Variants in MAP3K10 observed in about 807,000 individuals in gnomAD.
The protein encoded by MAP3K10 is mitogen-activated protein kinase kinase kinase 10.
Under a neutral mutation model 75.0 loss-of-function variants are expected in MAP3K10, and 22 were observed. The observed-to-expected ratio is 0.29, with a 90% CI of 0.21 to 0.42. The LOEUF is 0.42. MAP3K10 is among the 10% of genes least tolerant of loss of function. The pLI is 1.00. For missense variants in MAP3K10, 1,165 were observed against 1,379.8 expected (o/e 0.84, Z 2.47); for synonymous variants, 599 against 612.9 (o/e 0.98, Z 0.34).
chr19:40,204,398 GC>G lies in MAP3K10; in HGVS notation c.864-84del. 1 of 1,488,404 alleles carries G rather than the reference GC, an allele frequency of 6.7e-7. No homozygotes were observed. The highest frequency in any genetic ancestry group is 1.4e-5 in the African/African-American group (1 of 72,632). 92.2% of individuals were successfully genotyped at this position (1,488,404 alleles called of 1,614,324 possible). On this transcript the variant is annotated intron_variant, in intron 2 of 9. Coordinates refer to ENST00000253055, the MANE Select transcript of MAP3K10 (RefSeq NM_002446.4). This position sits in a 1 kb window ranked among gnomAD's most constrained non-coding sequence, Gnocchi z 4.3. ...GGGGGTGGCTGTTGGGGTGAGGGCAGCCCTGCATGGGACCAAGGGCAGGGCT... is the reference window on the plus strand; with the variant it reads ...GGGGGTGGCTGTTGGGGTGAGGGCAGCCTGCATGGGACCAAGGGCAGGGCT...
Position 40,212,842 on chromosome 19 carries a change from C to T in MAP3K10, c.1590C>T (p.Ser530=), listed in dbSNP as rs1299077486. 2.5e-6 allele frequency: 4 copies of T among 1,603,400 alleles called. No individual in the cohort carries two copies. The highest frequency in any genetic ancestry group is 3.4e-6 in the Non-Finnish European group (4 of 1,175,870). Residue 530 remains serine (S), a synonymous_variant, in exon 7 of 10, where the codon AGC becomes AGT. Transcript: ENST00000253055. The surrounding 1 kb of genome is among the most constrained non-coding windows in gnomAD (Gnocchi z 4.2). ...ACTGTGGTGGCAGCAGCAGTGGCAG[C>T]AGCAGTGGAGGAAGTGGGACATGGA... ...PVDCGGSSSG[S]SSGGSGTWSR... is the part of the protein sequence containing the mutation.
intron 6 of MAP3K10, among the ~76,000 whole-genome samples, chr19:40,211,016 A>G (rs765846621): frequency 3.3e-5 from 5 of 152,248 alleles, no homozygotes; most frequent in Non-Finnish European, 7.3e-5. Context: ...AAGTTGACGC[A>G]TAAAATTACC....
intron 2 of MAP3K10, among the ~76,000 whole-genome samples, chr19:40,200,987 A>C (rs1399461528): frequency 6.6e-6 from 1 of 151,690 alleles, no homozygotes; most frequent in East Asian, 1.9e-4. Context: ...CCCGCCATAA[A>C]CTTCAGTAAC....
chr19:40,192,556 G>A lies in MAP3K10; in HGVS notation c.525G>A (p.Glu175=), dbSNP rs1972840750. The change falls in exon 1 of 10, where the codon GAG becomes GAA. Residue 175 remains glutamate, a synonymous_variant. Coordinates refer to ENST00000253055, the MANE Select transcript of MAP3K10 (RefSeq NM_002446.4). The surrounding 1 kb of genome is among the most constrained non-coding windows in gnomAD (Gnocchi z 7.1). ...CCCCACACCTCTGCCTAGTGATGGA[G>A]TATGCCCGGGGTGGTGCACTGAGCA... ...LNPPHLCLVM[E]YARGGALSRV... is the part of the protein sequence containing the mutation. The A allele has an allele frequency of 6.2e-7, 1 of 1,613,570 alleles. No homozygotes were observed. The highest frequency in any genetic ancestry group is 8.5e-7 in the Non-Finnish European group (1 of 1,179,926).
In MAP3K10 at chr19:40,213,157, C is replaced by T. The variant is rs759300640; in HGVS notation, c.1806C>T (p.Ile602=). 2.1e-5 allele frequency: 34 copies of T among 1,594,410 alleles called. No individual in the cohort carries two copies. The highest frequency in any genetic ancestry group is 2.0e-4 in the East Asian group (9 of 44,274). ...NLGKSPKHTP[I]APGFASLNEM... ...GCAAGTCCCCCAAACACACACCCAT[C>T]GCCCCTGGCTTTGCCAGCCTCAATG... Residue 602 remains isoleucine (I), a synonymous_variant, in exon 8 of 10, where the codon ATC becomes ATT. Transcript: ENST00000253055. The surrounding 1 kb of genome is among the most constrained non-coding windows in gnomAD (Gnocchi z 5.7).
chr19:40,212,644 G>A lies in MAP3K10; in HGVS notation c.1553-161G>A, dbSNP rs1973261056. On this transcript the variant is annotated intron_variant, in intron 6 of 9. Coordinates refer to ENST00000253055, the MANE Select transcript of MAP3K10 (RefSeq NM_002446.4). This position sits in a 1 kb window ranked among gnomAD's most constrained non-coding sequence, Gnocchi z 4.2. ...GGAACCTTGTCCTGACAGCAGTAGG[G>A]GGCTATGGGGAGATATATAGCAGGG... 6.6e-6 allele frequency among the ~76,000 whole-genome samples: 1 copy of A among 152,174 alleles called. No homozygotes were observed. The highest frequency in any genetic ancestry group is 6.5e-5 in the Admixed American group (1 of 15,276).
At chr19:40,196,883 A>G (rs1354909327) in intron 1 of MAP3K10, among the ~76,000 whole-genome samples, 1 of 152,158 alleles carries the variant, frequency 6.6e-6, no homozygotes, top group African/African-American at 2.4e-5. Context: ...GTCAATTCCT[A>G]TAGAGAGCTT....
Position 40,215,107 on chromosome 19 carries a change from C to T in MAP3K10, c.2680C>T (p.Pro894Ser), listed in dbSNP as rs554360101. ...APRPRPAASR[P>S]RLDPWKLVSF... ...GAGACCTCGGCCGGCTGCCAGTCGCCCCCGCTTGGACCCCTGGAAACTGGT... is the reference window on the plus strand; with the variant it reads ...GAGACCTCGGCCGGCTGCCAGTCGCTCCCGCTTGGACCCCTGGAAACTGGT... The change falls in exon 10 of 10, where the codon CCC becomes TCC. Residue 894 changes from proline (P) to serine (S), a missense_variant. Transcript: ENST00000253055. The T allele has an allele frequency of 3.4e-5, 54 of 1,611,336 alleles. No homozygotes were observed. Among genetic ancestry groups the T allele is most frequent in the East Asian group, 4.5e-5 (2 of 44,760 alleles).
intron 6 of MAP3K10, 54 bp downstream of exon 6, chr19:40,209,273 T>G: frequency 6.9e-7 from 1 of 1,449,054 alleles, no homozygotes; most frequent in Non-Finnish European, 9.6e-7. Context: ...CAAACATTTT[T>G]TAGCACGATG....
chr19:40,203,472 C>T (rs1016085559), intron 2 of MAP3K10, among the ~76,000 whole-genome samples: 5 of 152,214 alleles, frequency 3.3e-5, no homozygotes, highest in African/African-American at 1.2e-4. Flanking sequence ...GATAGCCTTG[C>T]AGGGACCACA....
intron 9 of MAP3K10, 132 bp from the exon 10 acceptor site, chr19:40,214,837 GA>G: frequency 1.6e-6 from 1 of 609,918 alleles, no homozygotes; most frequent in South Asian, 1.9e-5. Context: ...ACTACAGATG[GA>G]AACTGGATGC....
In MAP3K10 at chr19:40,213,758, GGC is replaced by G. The variant is rs1406307048; in HGVS notation, c.2087_2088del (p.Ala696GlyfsTer4). ...AVGLGADVAEARAADGEEQRR... is the reference protein window; with the variant it reads ...AVGLGADVAEXRAADGEEQRR... ...TGGGCCTGGGCGCCGACGTGGCCGA[GGC>G]GCGCGCGGCCGACGGTGAGGAGCAG... On this transcript the variant is annotated frameshift_variant, in exon 9 of 10. Transcript: ENST00000253055. LOFTEE classifies it high-confidence loss of function. This position sits in a 1 kb window ranked among gnomAD's most constrained non-coding sequence, Gnocchi z 5.7. 4 of 1,115,138 alleles carry G rather than the reference GGC, an allele frequency of 3.6e-6. No individual in the cohort carries two copies. The highest frequency in any genetic ancestry group is 4.4e-6 in the Non-Finnish European group (4 of 911,150). 69.1% of individuals were successfully genotyped at this position (1,115,138 alleles called of 1,614,324 possible). A position where few individuals can be genotyped will look rare whatever the true frequency, so the allele number is the denominator to read the frequency against.
At chr19:40,214,838 A>T (rs1228928679) in intron 9 of MAP3K10, 132 bp from the exon 10 acceptor site, 16 of 610,382 alleles carry the variant, frequency 2.6e-5, no homozygotes, top group Non-Finnish European at 4.4e-5. Context: ...CTACAGATGG[A>T]AACTGGATGC....
chr19:40,209,729 G>T (rs886115567), intron 6 of MAP3K10, among the ~76,000 whole-genome samples: 1 of 152,094 alleles, frequency 6.6e-6, no homozygotes, highest in Non-Finnish European at 1.5e-5. Context: ...ATAATTTCTA[G>T]TAGTGATAAG....
chr19:40,214,583 T>C (rs1973315310), intron 9 of MAP3K10, among the ~76,000 whole-genome samples: 2 of 152,122 alleles, frequency 1.3e-5, no homozygotes, highest in Admixed American at 1.3e-4. Context: ...TGCTGCTTGT[T>C]TTAAGTTATG....
chr19:40,204,402 T>C lies in MAP3K10; in HGVS notation c.864-83T>C, dbSNP rs531246120. 1.1e-4 allele frequency: 170 copies of C among 1,509,372 alleles called. 2 individuals carry two copies. The South Asian group carries it at 1.8e-3, about 16-fold the overall frequency. The allele number at this position is 1,509,372 out of a possible 1,614,324, so 93.5% of individuals were successfully genotyped here. A position where few individuals can be genotyped will look rare whatever the true frequency, so the allele number is the denominator to read the frequency against. ...GTGGCTGTTGGGGTGAGGGCAGCCC[T>C]GCATGGGACCAAGGGCAGGGCTGGG... On this transcript the variant is annotated intron_variant, in intron 2 of 9. Coordinates refer to ENST00000253055, the MANE Select transcript of MAP3K10 (RefSeq NM_002446.4). This position sits in a 1 kb window ranked among gnomAD's most constrained non-coding sequence, Gnocchi z 4.3.
intron 5 of MAP3K10, among the ~76,000 whole-genome samples, chr19:40,207,130 C>T (rs1446467131): frequency 6.6e-6 from 1 of 152,082 alleles, no homozygotes; most frequent in Non-Finnish European, 1.5e-5. Flanking sequence ...CATATATATG[C>T]TGATATTTGA....
In MAP3K10 at chr19:40,198,161, G is replaced by A. The variant is rs1972945859; in HGVS notation, c.683-214G>A. 1.3e-5 allele frequency among the ~76,000 whole-genome samples: 2 copies of A among 152,180 alleles called. No homozygotes were observed. The highest frequency in any genetic ancestry group is 6.5e-5 in the Admixed American group (1 of 15,274). Reference sequence around the variant, plus strand: ...ATCAGGAGGGCAGAGGACACAGGAGGAGCTCCCTACTCCCTCATGGGAGCC... The same window carrying A: ...ATCAGGAGGGCAGAGGACACAGGAGAAGCTCCCTACTCCCTCATGGGAGCC... On this transcript the variant is annotated intron_variant, in intron 1 of 9. Transcript: ENST00000253055. This position sits in a 1 kb window ranked among gnomAD's most constrained non-coding sequence, Gnocchi z 4.3.
intron 9 of MAP3K10, 134 bp downstream of exon 9, chr19:40,214,355 C>T (rs1290639494): frequency 7.3e-6 from 8 of 1,101,328 alleles, no homozygotes; most frequent in South Asian, 5.7e-5. Flanking sequence ...GGGTCTGTGT[C>T]CCTTTACCGC....
Sources: allele counts gnomAD v4.1 joint callset (sites outside exome capture counted in the v4.1 genomes callset), GRCh38; gene constraint gnomAD v4.1.1; non-coding constraint Gnocchi (gnomAD v3.1); transcripts MANE v1.5; gene names NCBI Gene and HGNC (gene_info 2026-07-23, HGNC 2026-07-21).